The following MAPK4 variants were observed in gnomAD, a reference collection of about 807,000 sequenced individuals.
MAPK4 encodes mitogen-activated protein kinase 4, also known as Erk3-related.
A neutral mutation model predicts 47.7 loss-of-function variants in MAPK4; 22 were observed. The observed-to-expected ratio is 0.46, with a 90% confidence interval of 0.33 to 0.66. The LOEUF is 0.66. Among genes scored for constraint, MAPK4 ranks in the 30% least tolerant of loss-of-function variants. The probability of loss-of-function intolerance (pLI) is 0.02; values close to 1 mark genes in which losing one functional copy is unlikely to be tolerated. For missense variants in MAPK4, 736 were observed against 831.7 expected (o/e 0.88, Z 1.42); for synonymous variants, 390 against 365.7 (o/e 1.07, Z -0.76).
At chr18:50,561,789 T>C (rs911114351) in intron 1 of MAPK4, among the ~76,000 whole-genome samples, 8 of 152,230 alleles carry the variant, frequency 5.3e-5, no homozygotes, top group African/African-American at 1.9e-4. Context: ...GGAGCAGGGC[T>C]GAATAGTAAA....
intron 2 of MAPK4, chr18:50,704,599 G>A (rs528928129): frequency 2.5e-5 from 10 of 398,566 alleles, no homozygotes; most frequent in Admixed American, 4.4e-5. Context: ...AGTCAGGGAA[G>A]TTCCTTTTGT....
chr18:50,672,420 G>A (rs1050433316), intron 2 of MAPK4, among the ~76,000 whole-genome samples: 1 of 152,190 alleles, frequency 6.6e-6, no homozygotes, highest in Non-Finnish European at 1.5e-5. Context: ...ATATGATCAA[G>A]GGGATTAGAA....
chr18:50,612,906 T>G (rs2042651843), intron 1 of MAPK4, among the ~76,000 whole-genome samples: 1 of 152,224 alleles, frequency 6.6e-6, no homozygotes, highest in South Asian at 2.1e-4. Flanking sequence ...AATGCCAGTT[T>G]CTGCAGAGTT....
Position 50,663,900 on chromosome 18 carries a change from C to A in MAPK4, c.-59C>A. On this transcript the variant is annotated 5_prime_UTR_variant, in exon 2 of 6. Coordinates refer to ENST00000400384, the MANE Select transcript of MAPK4 (RefSeq NM_002747.4). ...GCGCGAGGGAGGCCGCTAGCCGAGA[C>A]TTGGCCTTTCCTGACTGCCCCTGTG... 6.8e-7 allele frequency: 1 copy of A among 1,469,152 alleles called. No homozygotes were observed. Among genetic ancestry groups the A allele is most frequent in the Non-Finnish European group, 9.3e-7 (1 of 1,074,138 alleles). The allele number at this position is 1,469,152 out of a possible 1,614,324, so 91.0% of individuals were successfully genotyped here.
chr18:50,723,486 G>A (rs1434537535), intron 4 of MAPK4, among the ~76,000 whole-genome samples: 2 of 152,234 alleles, frequency 1.3e-5, no homozygotes, highest in Non-Finnish European at 1.5e-5. Flanking sequence ...GGACAGAGAG[G>A]ACATGCTGCT....
At chr18:50,603,463 C>T (rs1035480973) in intron 1 of MAPK4, among the ~76,000 whole-genome samples, 4 of 152,182 alleles carry the variant, frequency 2.6e-5, no homozygotes, top group African/African-American at 7.2e-5. Context: ...CTAAACTCTC[C>T]TATGTCTACA....
intron 1 of MAPK4, among the ~76,000 whole-genome samples, chr18:50,655,979 T>TTACA (rs2043105988): frequency 6.6e-6 from 1 of 152,046 alleles, no homozygotes; most frequent in African/African-American, 2.4e-5. Flanking sequence ...GGACCCTGGG[T>TTACA]TACATCAGTG....
chr18:50,622,217 G>A (rs545216811), intron 1 of MAPK4, among the ~76,000 whole-genome samples: 8 of 152,140 alleles, frequency 5.3e-5, no homozygotes, highest in Non-Finnish European at 8.8e-5. Flanking sequence ...GTGCTGGTGG[G>A]TTCCCTAGGA....
intron 1 of MAPK4, among the ~76,000 whole-genome samples, chr18:50,595,936 C>T (rs530878454): frequency 6.6e-6 from 1 of 151,942 alleles, no homozygotes; most frequent in Non-Finnish European, 1.5e-5. Flanking sequence ...AAGCAGGGCT[C>T]CTTTATGAAA....
Position 50,721,918 on chromosome 18 carries a change from A to G in MAPK4, c.692-20A>G. 1.9e-6 allele frequency: 3 copies of G among 1,613,478 alleles called. No homozygotes were observed. The highest frequency in any genetic ancestry group is 1.7e-6 in the Non-Finnish European group (2 of 1,179,824). On this transcript the variant is annotated intron_variant, in intron 3 of 5. Transcript: ENST00000400384. ...AGCCCCTTGGACAGCACACTTAACC[A>G]TCTGGCATTGCCTCCCCAGGGGCCC...
chr18:50,730,694 G>A lies in MAPK4; in HGVS notation c.*840G>A, dbSNP rs1364849796. 1.3e-5 allele frequency: 2 copies of A among 152,290 alleles called. No homozygotes were observed. The highest frequency in any genetic ancestry group is 6.6e-5 in the Admixed American group (1 of 15,244). 9.4% of individuals were successfully genotyped at this position (152,290 alleles called of 1,614,324 possible). On this transcript the variant is annotated 3_prime_UTR_variant, in exon 6 of 6. Transcript: ENST00000400384. Reference sequence around the variant, plus strand: ...CTCAGCACTCCCTATGCACTTTCCTGACACGCAAAGACACAGCCCTCTTTC... The same window carrying A: ...CTCAGCACTCCCTATGCACTTTCCTAACACGCAAAGACACAGCCCTCTTTC...
Position 50,729,361 on chromosome 18 carries a change from A to G in MAPK4, c.1271A>G (p.Tyr424Cys), listed in dbSNP as rs1217606297. The change falls in exon 6 of 6, where the codon TAC (tyrosine) becomes TGC (cysteine). Residue 424 changes from tyrosine to cysteine, a missense_variant. Coordinates refer to ENST00000400384, the MANE Select transcript of MAPK4 (RefSeq NM_002747.4). ...ATGGAGCGCGCCTTCGAGGCCGACT[A>G]CGGGCGCTCCTGCGACTACAAGGTG... ...SSMERAFEAD[Y>C]GRSCDYKVGS... 2 of 1,578,850 alleles carry G rather than the reference A, an allele frequency of 1.3e-6. No individual in the cohort carries two copies. Among genetic ancestry groups the G allele is most frequent in the South Asian group, 1.1e-5 (1 of 87,940 alleles).
Position 50,674,836 on chromosome 18 carries a change from G to A in MAPK4, c.546+10332G>A, listed in dbSNP as rs142132577. Among the ~76,000 whole-genome samples the A allele has an allele frequency of 3.3e-3, 496 of 152,252 alleles. 2 individuals carry two copies. Among genetic ancestry groups the A allele is most frequent in the African/African-American group, 0.012 (485 of 41,536 alleles). ...ATTCCTGGCACCTAGCATAGTATCTGATCCATTGTATGAGTTCATTCAATG... is the reference window on the plus strand; with the variant it reads ...ATTCCTGGCACCTAGCATAGTATCTAATCCATTGTATGAGTTCATTCAATG... On this transcript the variant is annotated intron_variant, in intron 2 of 5. Coordinates refer to ENST00000400384, the MANE Select transcript of MAPK4 (RefSeq NM_002747.4).
intron 1 of MAPK4, among the ~76,000 whole-genome samples, chr18:50,655,386 G>A (rs1450517319): frequency 1.3e-5 from 2 of 152,110 alleles, no homozygotes; most frequent in African/African-American, 4.8e-5. Context: ...GGCTGGGAGT[G>A]GTGCTGGGCA....
Position 50,729,503 on chromosome 18 carries a change from C to G in MAPK4, c.1413C>G (p.Pro471=), listed in dbSNP as rs1014869983. Residue 471 remains proline (P), a synonymous_variant, in exon 6 of 6, where the codon CCC becomes CCG. Transcript: ENST00000400384. ...GGAAGCAGGCGGCCGGCGCGCCCCC[C>G]ACGGCCACGGGGCTGGCGGACACGG... ...SHWKQAAGAP[P]TATGLADTGA... 6.9e-7 allele frequency: 1 copy of G among 1,455,138 alleles called. No individual in the cohort carries two copies. The highest frequency in any genetic ancestry group is 1.4e-5 in the African/African-American group (1 of 69,998). 90.1% of individuals were successfully genotyped at this position (1,455,138 alleles called of 1,614,324 possible).
Position 50,655,211 on chromosome 18 carries a change from C to T in MAPK4, c.-870-7878C>T, listed in dbSNP as rs543265201. Among the ~76,000 whole-genome samples, 6 of 152,326 alleles carry T rather than the reference C, an allele frequency of 3.9e-5. No individual in the cohort carries two copies. In the East Asian group the frequency reaches 1.2e-3, roughly 30 times the overall value. ...GATGTTTGCAGTCACCACAGGCTCA[C>T]ACGTCCCAGGGGGAGAAGGCTCACC... On this transcript the variant is annotated intron_variant, in intron 1 of 5. Transcript: ENST00000400384.
intron 1 of MAPK4, among the ~76,000 whole-genome samples, chr18:50,659,565 G>C (rs915232686): frequency 6.6e-6 from 1 of 152,190 alleles, no homozygotes; most frequent in African/African-American, 2.4e-5. Context: ...GTTTGCCTCC[G>C]CATGTTAAAA....
intron 2 of MAPK4, among the ~76,000 whole-genome samples, chr18:50,686,261 G>A (rs1340850451): frequency 6.6e-6 from 1 of 152,166 alleles, no homozygotes; most frequent in African/African-American, 2.4e-5. Flanking sequence ...CAGAAAGACT[G>A]GAAGCTAAGG....
intron 1 of MAPK4, among the ~76,000 whole-genome samples, chr18:50,635,360 C>T (rs2042875650): frequency 1.3e-5 from 2 of 152,120 alleles, no homozygotes; most frequent in Non-Finnish European, 2.9e-5. Context: ...CTTTACTGTG[C>T]TTGATGATTT....
Sources: gnomAD v4.1 joint callset for allele counts (sites outside exome capture counted in the v4.1 genomes callset) on GRCh38, gnomAD v4.1.1 for gene constraint, MANE v1.5 for transcripts, NCBI Gene and HGNC (gene_info 2026-07-23, HGNC 2026-07-21) for gene names.